MMP26: variants seen among roughly 807,000 people sequenced by gnomAD.
MMP26 encodes matrix metallopeptidase 26.
MMP26 carries 33 observed loss-of-function variants against 31.0 expected under a neutral mutation model. The ratio of observed to expected loss-of-function variants is 1.06; its 90% CI spans 0.81 to 1.42. The LOEUF (loss-of-function observed/expected upper bound fraction) is 1.42. MMP26 is among the 40% of genes most tolerant of loss of function. The pLI, the probability that MMP26 is intolerant of heterozygous loss-of-function variation, is 0.00. For missense variants in MMP26, 347 were observed against 316.1 expected, an observed-to-expected ratio of 1.10 and a Z score of -0.74; for synonymous variants, 122 against 114.9, an observed-to-expected ratio of 1.06 and a Z score of -0.40.
chr11:4,852,159 T>A (rs1475058772), intron 2 of MMP26, among the ~76,000 whole-genome samples: 1 of 151,938 alleles, frequency 6.6e-6, no homozygotes, highest in Non-Finnish European at 1.5e-5. Flanking sequence ...CATATAACAA[T>A]CATAAATGCA....
intron 1 of MMP26, among the ~76,000 whole-genome samples, chr11:4,748,160 T>C (rs1399405586): frequency 6.6e-6 from 1 of 152,034 alleles, no homozygotes; most frequent in African/African-American, 2.4e-5. Flanking sequence ...CACAAACTAC[T>C]ATGAGCAACT....
intron 2 of MMP26, among the ~76,000 whole-genome samples, chr11:4,825,657 C>G (rs919168033): frequency 1.3e-5 from 2 of 152,128 alleles, no homozygotes; most frequent in Non-Finnish European, 2.9e-5. Flanking sequence ...TACCTTCCAC[C>G]TGAACTTCAT....
At chr11:4,790,663 G>C (rs184740454) in intron 2 of MMP26, among the ~76,000 whole-genome samples, 3 of 152,108 alleles carry the variant, frequency 2.0e-5, no homozygotes, top group African/African-American at 7.2e-5. Context: ...GTAAGAACAT[G>C]GTAAGTCAAT....
chr11:4,883,700 C>T (rs1042000164), intron 2 of MMP26, among the ~76,000 whole-genome samples: 5 of 152,124 alleles, frequency 3.3e-5, no homozygotes, highest in African/African-American at 1.2e-4. Flanking sequence ...TTGACTGCTT[C>T]TACCTTCTGG....
chr11:4,771,688 T>C (rs1016332593), intron 2 of MMP26, among the ~76,000 whole-genome samples: 2 of 152,196 alleles, frequency 1.3e-5, no homozygotes, highest in Admixed American at 6.5e-5. Context: ...TTCATGAGAG[T>C]AAATATTCTG....
chr11:4,826,799 T>C (rs768351277), intron 2 of MMP26, among the ~76,000 whole-genome samples: 2 of 152,028 alleles, frequency 1.3e-5, no homozygotes, highest in Non-Finnish European at 2.9e-5. Context: ...TCAATAATAA[T>C]CCAGATACCA....
chr11:4,924,086 C>T (rs866080638), intron 2 of MMP26: 2 of 1,614,006 alleles, frequency 1.2e-6, no homozygotes, highest in African/African-American at 2.7e-5. Flanking sequence ...CCAGAAAATG[C>T]CCAGCACAGT....
At chr11:4,816,297 C>T (rs1055231149) in intron 2 of MMP26, among the ~76,000 whole-genome samples, 3 of 152,142 alleles carry the variant, frequency 2.0e-5, no homozygotes, top group Admixed American at 1.3e-4. Context: ...GATGATCTAT[C>T]CTGGAGAATG....
intron 1 of MMP26, among the ~76,000 whole-genome samples, chr11:4,708,794 G>A (rs1589879961): frequency 9.4e-6 from 1 of 105,988 alleles, no homozygotes; most frequent in African/African-American, 3.0e-5. Flanking sequence ...AACTTGCTCA[G>A]GTAAATACTC....
intron 2 of MMP26, chr11:4,923,933 G>A (rs1169087214): frequency 6.2e-7 from 1 of 1,614,164 alleles, no homozygotes; most frequent in Admixed American, 1.7e-5. Context: ...TGTCAGGACG[G>A]TGGAGTCATG....
intron 1 of MMP26, among the ~76,000 whole-genome samples, chr11:4,727,903 A>T (rs945555183): frequency 1.2e-4 from 19 of 152,236 alleles, no homozygotes; most frequent in Non-Finnish European, 2.8e-4. Flanking sequence ...AGCTGTCATT[A>T]TCCAACTATT....
intron 2 of MMP26, among the ~76,000 whole-genome samples, chr11:4,780,929 A>G (rs377250058): frequency 6.6e-6 from 1 of 151,952 alleles, no homozygotes; most frequent in Non-Finnish European, 1.5e-5. Flanking sequence ...ATTTAATTAC[A>G]TAACTATATA....
chr11:4,916,669 G>T (rs1050311537), intron 2 of MMP26, among the ~76,000 whole-genome samples: 2 of 152,088 alleles, frequency 1.3e-5, no homozygotes, highest in African/African-American at 4.8e-5. Flanking sequence ...CATAAATGCT[G>T]CTCAGCTTAC....
intron 1 of MMP26, among the ~76,000 whole-genome samples, chr11:4,733,535 G>T (rs6578523): frequency 0.59 from 88,877 of 151,510 alleles, 26,815 homozygotes; most frequent in African/African-American, 0.69. Flanking sequence ...TCTGCAACTT[G>T]TCTGAACCCA....
At chr11:4,849,357 C>T (rs1423012191) in intron 2 of MMP26, 2 of 737,356 alleles carry the variant, frequency 2.7e-6, no homozygotes, top group African/African-American at 1.8e-5. Context: ...CACATATACA[C>T]ATTTCCTCCC....
chr11:4,957,352 T>C (rs1247852424), intron 2 of MMP26, among the ~76,000 whole-genome samples: 3 of 152,240 alleles, frequency 2.0e-5, no homozygotes, highest in African/African-American at 7.2e-5. Flanking sequence ...ATCTATATCT[T>C]CTGCTTTCAC....
At chr11:4,829,439 A>C (rs1038942019) in intron 2 of MMP26, among the ~76,000 whole-genome samples, 1 of 152,162 alleles carries the variant, frequency 6.6e-6, no homozygotes, top group African/African-American at 2.4e-5. Flanking sequence ...TATTTTGCTA[A>C]ATCTTATTTT....
chr11:4,907,780 T>C (rs970789312), intron 2 of MMP26: 1 of 1,614,096 alleles, frequency 6.2e-7, no homozygotes, highest in African/African-American at 1.3e-5. Context: ...CTATCCTCAC[T>C]AGCAACAGGG....
At chr11:4,960,545 T>A (rs1199477650) in intron 2 of MMP26, among the ~76,000 whole-genome samples, 1 of 139,610 alleles carries the variant, frequency 7.2e-6, no homozygotes, top group Non-Finnish European at 1.5e-5. Flanking sequence ...GCTAAACACA[T>A]ATACCATAAA....
Sources: allele counts gnomAD v4.1 joint callset (sites outside exome capture counted in the v4.1 genomes callset), GRCh38; gene constraint gnomAD v4.1.1; transcripts MANE v1.5; gene names NCBI Gene and HGNC (gene_info 2026-07-23, HGNC 2026-07-21).